Variants in PTPRD observed in about 807,000 individuals in gnomAD.
PTPRD encodes protein tyrosine phosphatase receptor type D, also known as receptor-type tyrosine-protein phosphatase delta.
In PTPRD, 34 loss-of-function variants were observed where a neutral mutation model predicts 214.5. The observed-to-expected ratio is 0.16, with a 90% confidence interval of 0.12 to 0.21. PTPRD has a LOEUF of 0.21. Among genes scored for constraint, PTPRD ranks in the 10% least tolerant of loss-of-function variants. The pLI is 1.00. For synonymous variants in PTPRD, 1,128 were observed against 845.7 expected, an observed-to-expected ratio of 1.33 and a Z score of -5.79; for missense variants, 2,545 against 2,398.7, an observed-to-expected ratio of 1.06 and a Z score of -1.27.
At chr9:8,486,515 C>T (rs2097016587) in intron 27 of PTPRD, 166 bp from the exon 28 acceptor site, 1 of 738,158 alleles carries the variant, frequency 1.4e-6, no homozygotes, top group East Asian at 2.5e-5. Flanking sequence ...GAAATATGCT[C>T]CTTGTCTTAC....
chr9:8,915,801 C>G (rs886910368), intron 11 of PTPRD, among the ~76,000 whole-genome samples: 1 of 152,172 alleles, frequency 6.6e-6, no homozygotes, highest in African/African-American at 2.4e-5. Flanking sequence ...GGCACATCCA[C>G]ATTAGGAAGA....
intron 14 of PTPRD, among the ~76,000 whole-genome samples, chr9:8,613,806 T>G (rs1289890943): frequency 6.6e-6 from 1 of 152,172 alleles, no homozygotes; most frequent in Non-Finnish European, 1.5e-5. Flanking sequence ...TTTAGTTGTT[T>G]TTCTTACACC....
chr9:9,601,385 G>A (rs1258550893), intron 7 of PTPRD, among the ~76,000 whole-genome samples: 1 of 151,892 alleles, frequency 6.6e-6, no homozygotes, highest in Non-Finnish European at 1.5e-5. Context: ...CTAAATCAGG[G>A]AACTGTTACA....
chr9:10,496,876 T>A (rs1189597516), intron 2 of PTPRD, among the ~76,000 whole-genome samples: 2 of 151,982 alleles, frequency 1.3e-5, no homozygotes, highest in Non-Finnish European at 2.9e-5. Context: ...AGATGCATAG[T>A]TTGCAAGTAT....
In PTPRD at chr9:10,404,924, G is replaced by A. The variant is rs1443216826; in HGVS notation, c.-599-63907C>T. ...CTGAGGAGAGTTGGCTAGTAAAAATGAGAGAATAGCAATGATGAGATAACA... is the reference window on the plus strand; with the variant it reads ...CTGAGGAGAGTTGGCTAGTAAAAATAAGAGAATAGCAATGATGAGATAACA... On this transcript the variant is annotated intron_variant, in intron 2 of 45. Coordinates refer to ENST00000381196, the MANE Select transcript of PTPRD (RefSeq NM_002839.4). Among the ~76,000 whole-genome samples the A allele has an allele frequency of 4.2e-5, 2 of 47,962 alleles. 1 individual carries two copies. Among genetic ancestry groups the A allele is most frequent in the African/African-American group, 1.0e-4 (2 of 19,530 alleles). 31.5% of individuals were successfully genotyped at this position (47,962 alleles called of 152,430 possible). A position where few individuals can be genotyped will look rare whatever the true frequency, so the allele number is the denominator to read the frequency against.
chr9:9,494,888 G>C (rs2096096967), intron 8 of PTPRD, among the ~76,000 whole-genome samples: 1 of 152,136 alleles, frequency 6.6e-6, no homozygotes, highest in Non-Finnish European at 1.5e-5. Context: ...AAAACTGTAA[G>C]ATTCACACTG....
At chr9:10,206,981 T>G (rs1185730719) in intron 3 of PTPRD, among the ~76,000 whole-genome samples, 1 of 152,160 alleles carries the variant, frequency 6.6e-6, no homozygotes, top group Non-Finnish European at 1.5e-5. Context: ...ATTCATTTTG[T>G]AAAACTGAGG....
At chr9:8,579,660 G>T (rs556422428) in intron 14 of PTPRD, among the ~76,000 whole-genome samples, 24 of 152,218 alleles carry the variant, frequency 1.6e-4, no homozygotes, top group Non-Finnish European at 2.9e-4. Flanking sequence ...TTACATAAAG[G>T]TATTATCAAA....
chr9:10,099,629 G>A (rs184633315), intron 3 of PTPRD, among the ~76,000 whole-genome samples: 47 of 151,746 alleles, frequency 3.1e-4, no homozygotes, highest in Non-Finnish European at 5.2e-4. Flanking sequence ...CACTTGAAAA[G>A]GCCATCCTAA....
intron 14 of PTPRD, among the ~76,000 whole-genome samples, chr9:8,542,926 GA>G (rs913251769): frequency 1.2e-4 from 19 of 152,312 alleles, no homozygotes; most frequent in African/African-American, 4.6e-4. Context: ...CCTGCAATTT[GA>G]AGACAGTTGA....
intron 9 of PTPRD, among the ~76,000 whole-genome samples, chr9:9,249,225 C>T (rs1396663136): frequency 6.6e-6 from 1 of 151,936 alleles, no homozygotes; most frequent in Non-Finnish European, 1.5e-5. Flanking sequence ...TCTCTTGTTT[C>T]CTTTCTCCTC....
At chr9:8,376,188 A>T in intron 38 of PTPRD, 98 bp from the exon 39 acceptor site, 1 of 1,372,970 alleles carries the variant, frequency 7.3e-7, no homozygotes, top group Non-Finnish European at 1.0e-6. Context: ...TGCTATTTTA[A>T]TTCCTTTCTA....
intron 14 of PTPRD, among the ~76,000 whole-genome samples, chr9:8,622,571 T>A (rs1228258332): frequency 6.6e-6 from 1 of 151,926 alleles, no homozygotes; most frequent in Non-Finnish European, 1.5e-5. Context: ...CCATCAGAGA[T>A]TGTAGCTTCC....
intron 2 of PTPRD, among the ~76,000 whole-genome samples, chr9:10,438,116 C>G (rs1196482278): frequency 6.7e-6 from 1 of 150,184 alleles, no homozygotes; most frequent in African/African-American, 2.5e-5. Flanking sequence ...TTACTAAGTA[C>G]TAGGGCCAAT....
intron 4 of PTPRD, among the ~76,000 whole-genome samples, chr9:9,964,765 A>T (rs1288396991): frequency 1.3e-5 from 2 of 152,206 alleles, no homozygotes; most frequent in Non-Finnish European, 2.9e-5. Context: ...CTTAGTGTTC[A>T]AAAGTGAAAA....
chr9:9,438,193 A>T (rs369979467), intron 8 of PTPRD, among the ~76,000 whole-genome samples: 5 of 152,300 alleles, frequency 3.3e-5, no homozygotes, highest in African/African-American at 7.2e-5. Flanking sequence ...TTAGCATCAT[A>T]TTATGAGGTA....
At chr9:9,670,218 A>T (rs2096800596) in intron 7 of PTPRD, among the ~76,000 whole-genome samples, 1 of 152,150 alleles carries the variant, frequency 6.6e-6, no homozygotes, top group South Asian at 2.1e-4. Flanking sequence ...AGCTGAGGGG[A>T]ATGATATGGT....
intron 39 of PTPRD, among the ~76,000 whole-genome samples, chr9:8,367,099 A>G (rs1308415707): frequency 6.6e-6 from 1 of 152,202 alleles, no homozygotes; most frequent in Non-Finnish European, 1.5e-5. Flanking sequence ...GACCAAGGTA[A>G]GAAACACTAT....
chr9:10,259,886 A>G (rs1178296468), intron 3 of PTPRD, among the ~76,000 whole-genome samples: 1 of 151,618 alleles, frequency 6.6e-6, no homozygotes, highest in African/African-American at 2.4e-5. Context: ...TCCTGCATGA[A>G]CTCCCTCTGT....
Sources: allele counts gnomAD v4.1 joint callset (sites outside exome capture counted in the v4.1 genomes callset), GRCh38; gene constraint gnomAD v4.1.1; transcripts MANE v1.5; gene names NCBI Gene and HGNC (gene_info 2026-07-23, HGNC 2026-07-21).